Variants in PACRG observed in about 807,000 individuals in gnomAD.
PACRG encodes the protein parkin coregulated gene protein.
Under a neutral mutation model 29.7 loss-of-function variants are expected in PACRG, and 29 were observed. The ratio of observed to expected loss-of-function variants is 0.98; its 90% confidence interval spans 0.73 to 1.33. The LOEUF (loss-of-function observed/expected upper bound fraction) is 1.33, where lower values mean the gene tolerates loss of function less well. PACRG is among the 40% of genes most tolerant of loss of function. PACRG has a pLI of 0.00. For synonymous variants in PACRG, 116 were observed against 118.7 expected (o/e 0.98, Z 0.15); for missense variants, 279 against 316.2 (o/e 0.88, Z 0.89).
intron 4 of PACRG, among the ~76,000 whole-genome samples, chr6:163,240,273 TG>T (rs1388901660): frequency 6.8e-6 from 1 of 147,042 alleles, no homozygotes; most frequent in Non-Finnish European, 1.5e-5. Context: ...AAGGGACGAT[TG>T]GGGGGTGCAT....
intron 2 of PACRG, among the ~76,000 whole-genome samples, chr6:163,026,624 A>G (rs896486119): frequency 1.3e-5 from 2 of 152,364 alleles, no homozygotes; most frequent in East Asian, 3.9e-4. Context: ...AGGTTCCCCC[A>G]TAAGACCTCA....
At chr6:162,958,735 CGT>C (rs139595345) in intron 2 of PACRG, among the ~76,000 whole-genome samples, 90 of 144,802 alleles carry the variant, frequency 6.2e-4, no homozygotes, top group Middle Eastern at 3.6e-3. Context: ...TACACATATG[CGT>C]GTGTGTGTGT....
At chr6:163,157,239 C>T (rs1035710898) in intron 4 of PACRG, among the ~76,000 whole-genome samples, 1 of 152,236 alleles carries the variant, frequency 6.6e-6, no homozygotes, top group Non-Finnish European at 1.5e-5. Flanking sequence ...AAACCACTGG[C>T]ATTTGCTCCG....
At chr6:163,250,916 A>G (rs1248263899) in intron 4 of PACRG, among the ~76,000 whole-genome samples, 1 of 142,442 alleles carries the variant, frequency 7.0e-6, no homozygotes, top group East Asian at 1.9e-4. Context: ...TACACTATGG[A>G]ATATTACTCA....
chr6:163,314,969 G>T lies in PACRG; in HGVS notation c.756G>T (p.Glu252Asp), dbSNP rs758218465. 16 of 1,613,812 alleles carry T rather than the reference G, an allele frequency of 9.9e-6. No individual in the cohort carries two copies. In the South Asian group the frequency reaches 1.8e-4, roughly 18 times the overall value. The change falls in exon 5 of 5, where the codon GAG (glutamate) becomes GAT (aspartate). Residue 252 changes from glutamate (E) to aspartate (D), a missense_variant. Transcript: ENST00000366888. ...TTAAGTACGTGGTCCCAACCTACGA[G>T]TCTTGCTTGCTAAACTAACAGTGGC... The part of the protein sequence containing the change: ...INIKYVVPTY[E>D]SCLLN
intron 4 of PACRG, among the ~76,000 whole-genome samples, chr6:163,201,700 C>T (rs1780706336): frequency 1.3e-5 from 2 of 152,252 alleles, no homozygotes; most frequent in African/African-American, 4.8e-5. Context: ...TGCGCTTGGT[C>T]ACTGAGGTGC....
At chr6:163,094,162 A>T (rs1299894691) in intron 4 of PACRG, among the ~76,000 whole-genome samples, 1 of 152,224 alleles carries the variant, frequency 6.6e-6, no homozygotes, top group Non-Finnish European at 1.5e-5. Context: ...AACAGCAGCA[A>T]CAAAACCTTC....
At chr6:162,816,086 A>G (rs1401427497) in intron 2 of PACRG, among the ~76,000 whole-genome samples, 2 of 152,158 alleles carry the variant, frequency 1.3e-5, no homozygotes, top group Non-Finnish European at 2.9e-5. Context: ...ATCTTTGATA[A>G]TCCAACAGTC....
At chr6:163,194,157 T>C (rs1324103233) in intron 4 of PACRG, among the ~76,000 whole-genome samples, 2 of 152,152 alleles carry the variant, frequency 1.3e-5, no homozygotes, top group African/African-American at 4.8e-5. Flanking sequence ...ACTAATCAGA[T>C]TTGACAACAG....
intron 4 of PACRG, among the ~76,000 whole-genome samples, chr6:163,116,463 G>A (rs901186005): frequency 6.6e-6 from 1 of 152,144 alleles, no homozygotes; most frequent in African/African-American, 2.4e-5. Flanking sequence ...CAAATGGGGG[G>A]GATGTGTCTG....
At chr6:162,759,437 A>T (rs1366477457) in intron 1 of PACRG, among the ~76,000 whole-genome samples, 1 of 152,240 alleles carries the variant, frequency 6.6e-6, no homozygotes, top group African/African-American at 2.4e-5. Flanking sequence ...ATTCTTGGTC[A>T]TTGAGAAAAT....
intron 1 of PACRG, among the ~76,000 whole-genome samples, chr6:162,776,385 C>G (rs1584317425): frequency 6.6e-6 from 1 of 152,212 alleles, no homozygotes; most frequent in African/African-American, 2.4e-5. Flanking sequence ...AACCTGCTCC[C>G]TGGTTGTTTT....
intron 4 of PACRG, among the ~76,000 whole-genome samples, chr6:163,219,966 T>C (rs1201625080): frequency 6.6e-6 from 1 of 152,158 alleles, no homozygotes; most frequent in Non-Finnish European, 1.5e-5. Context: ...CTCCCATATC[T>C]TACCTTGCTT....
rs1304305691 is a variant in PACRG at position 162,829,115 on chromosome 6, T to G, written c.291+14834T>G. Among the ~76,000 whole-genome samples the G allele has an allele frequency of 2.0e-5, 3 of 152,198 alleles. No individual in the cohort carries two copies. The East Asian group carries it at 5.8e-4, about 29-fold the overall frequency. ...AAATCCATTTTTTGTGTCCCCTTTC[T>G]CTCTTCTTTTGAAAGTAAAATCGTT... On this transcript the variant is annotated intron_variant, in intron 2 of 4. Coordinates refer to ENST00000366888, the MANE Select transcript of PACRG (RefSeq NM_001080379.2).
chr6:163,190,947 A>G, intron 4 of PACRG: 1 of 456,160 alleles, frequency 2.2e-6, no homozygotes, highest in Non-Finnish European at 4.4e-6. Context: ...TTGTCACCCA[A>G]TCCATTTCTG....
At chr6:162,736,655 T>A (rs555587525) in intron 1 of PACRG, among the ~76,000 whole-genome samples, 3 of 151,824 alleles carry the variant, frequency 2.0e-5, no homozygotes, top group Non-Finnish European at 4.4e-5. Context: ...TCTGCCTTTT[T>A]TTTTTTGCCA....
At chr6:162,870,251 C>G (rs908017363) in intron 2 of PACRG, among the ~76,000 whole-genome samples, 1 of 152,192 alleles carries the variant, frequency 6.6e-6, no homozygotes, top group Admixed American at 6.5e-5. Flanking sequence ...GATTACCAAG[C>G]GTTCAATGAA....
rs538180480 is a variant in PACRG at position 162,853,683 on chromosome 6, A to G, written c.291+39402A>G. Among the ~76,000 whole-genome samples the G allele has an allele frequency of 3.8e-4, 58 of 152,360 alleles. No homozygotes were observed. Among genetic ancestry groups the G allele is most frequent in the Admixed American group, 6.5e-4 (10 of 15,310 alleles). Reference sequence around the variant, plus strand: ...GAACTTAGCATCTGGGGGATGTAACAGTATGTACAACAAACGCCCATGATG... The same window carrying G: ...GAACTTAGCATCTGGGGGATGTAACGGTATGTACAACAAACGCCCATGATG... On this transcript the variant is annotated intron_variant, in intron 2 of 4. Coordinates refer to ENST00000366888, the MANE Select transcript of PACRG (RefSeq NM_001080379.2). The surrounding 1 kb of genome is among the most constrained non-coding windows in gnomAD (Gnocchi z 4.7).
chr6:163,024,822 C>T lies in PACRG; in HGVS notation c.292-37328C>T, dbSNP rs1178669296. Among the ~76,000 whole-genome samples, 3 of 152,080 alleles carry T rather than the reference C, an allele frequency of 2.0e-5. No individual in the cohort carries two copies. The East Asian group carries it at 5.8e-4, about 29-fold the overall frequency. ...CCTCATGAACATAGACACAAAATTCCTCAACAAAATGCTAGTACATTGAAT... is the reference window on the plus strand; with the variant it reads ...CCTCATGAACATAGACACAAAATTCTTCAACAAAATGCTAGTACATTGAAT... On this transcript the variant is annotated intron_variant, in intron 2 of 4. Coordinates refer to ENST00000366888, the MANE Select transcript of PACRG (RefSeq NM_001080379.2).
Sources: gnomAD v4.1 joint callset for allele counts (sites outside exome capture counted in the v4.1 genomes callset) on GRCh38, gnomAD v4.1.1 for gene constraint, Gnocchi (gnomAD v3.1) non-coding constraint, MANE v1.5 for transcripts, NCBI Gene and HGNC (gene_info 2026-07-23, HGNC 2026-07-21) for gene names.